Variants in GOLGA3 observed in about 807,000 individuals in gnomAD.
GOLGA3 encodes golgin subfamily A member 3.
A neutral mutation model predicts 169.4 loss-of-function variants in GOLGA3; 75 were observed. The observed-to-expected ratio is 0.44, with a 90% CI of 0.37 to 0.54. GOLGA3 has a LOEUF of 0.54. Among genes scored for constraint, GOLGA3 ranks in the 20% least tolerant of loss-of-function variants. The pLI is 0.00. For missense variants in GOLGA3, 1,899 were observed against 1,930.0 expected, an observed-to-expected ratio of 0.98 and a Z score of 0.30; for synonymous variants, 824 against 822.4, an observed-to-expected ratio of 1.00 and a Z score of -0.03.
At chr12:132,820,897 C>T (rs552255496) in intron 2 of GOLGA3, among the ~76,000 whole-genome samples, 5 of 151,862 alleles carry the variant, frequency 3.3e-5, no homozygotes, top group Non-Finnish European at 5.9e-5. Context: ...ATCAGGAGTT[C>T]GAGACCAGCC....
chr12:132,804,634 G>T lies in GOLGA3; in HGVS notation c.1597+82C>A. ...GGACCAGTCAGGGAAGGAGGAGGGC[G>T]TGGCGGGGGCCAGTCGAGGAAGGAG... is the stretch of plus-strand genomic sequence containing the variant. On this transcript the variant is annotated intron_variant, in intron 7 of 23. Coordinates refer to ENST00000450791, the MANE Select transcript of GOLGA3 (RefSeq NM_001389683.1). This position sits in a 1 kb window ranked among gnomAD's most constrained non-coding sequence, Gnocchi z 4.1. The T allele has an allele frequency of 8.6e-7, 1 of 1,158,522 alleles. No homozygotes were observed. The highest frequency in any genetic ancestry group is 1.3e-6 in the Non-Finnish European group (1 of 795,630). The allele number at this position is 1,158,522 out of a possible 1,614,324, so 71.8% of individuals were successfully genotyped here.
At chr12:132,779,556 T>C (rs568090117) in intron 18 of GOLGA3, among the ~76,000 whole-genome samples, 1 of 152,298 alleles carries the variant, frequency 6.6e-6, no homozygotes, top group South Asian at 2.1e-4. Context: ...GGCCGAAAAG[T>C]TTGAATTGTG....
At chr12:132,799,292 G>GGT (rs1316861988) in intron 8 of GOLGA3, among the ~76,000 whole-genome samples, 4 of 152,220 alleles carry the variant, frequency 2.6e-5, no homozygotes, top group Admixed American at 2.6e-4. Flanking sequence ...GATACATTTG[G>GGT]GTACCAAAAA....
chr12:132,787,269 G>A (rs1416407336), intron 13 of GOLGA3, among the ~76,000 whole-genome samples: 1 of 151,984 alleles, frequency 6.6e-6, no homozygotes, highest in Non-Finnish European at 1.5e-5. Context: ...ACTCATTACT[G>A]AGACCAACAA....
intron 1 of GOLGA3, among the ~76,000 whole-genome samples, chr12:132,825,369 A>C (rs1950369951): frequency 6.6e-6 from 1 of 152,150 alleles, no homozygotes; most frequent in African/African-American, 2.4e-5. Context: ...GTGTGTGCCC[A>C]TTACATGGCG....
chr12:132,802,885 G>T (rs1297502102), intron 7 of GOLGA3, among the ~76,000 whole-genome samples: 2 of 152,008 alleles, frequency 1.3e-5, no homozygotes, highest in Admixed American at 1.3e-4. Context: ...GAGAAACCCT[G>T]TCTCTAATAA....
In GOLGA3 at chr12:132,804,976, C is replaced by T. The variant is rs1420696410; in HGVS notation, c.1337G>A (p.Ser446Asn). ...CTCCACCTGCGCCTGCAGCTTCGTGCTGAGGGCGGCCAGCTGGGCCTGCAG... is the reference window on the plus strand; with the variant it reads ...CTCCACCTGCGCCTGCAGCTTCGTGTTGAGGGCGGCCAGCTGGGCCTGCAG... ...AELQAQLAALSTKLQAQVECS... is the reference protein window; with the variant it reads ...AELQAQLAALNTKLQAQVECS... Residue 446 changes from serine to asparagine, a missense_variant, in exon 7 of 24, where the codon AGC (serine) becomes AAC (asparagine). Coordinates refer to ENST00000450791, the MANE Select transcript of GOLGA3 (RefSeq NM_001389683.1). The surrounding 1 kb of genome is among the most constrained non-coding windows in gnomAD (Gnocchi z 4.1). 5 of 1,612,400 alleles carry T rather than the reference C, an allele frequency of 3.1e-6. No homozygotes were observed. Among genetic ancestry groups the T allele is most frequent in the Non-Finnish European group, 4.2e-6 (5 of 1,179,944 alleles).
In GOLGA3 at chr12:132,782,172, C is replaced by T. The variant is rs1217746184; in HGVS notation, c.3465+124G>A. On this transcript the variant is annotated intron_variant, in intron 17 of 23. Transcript: ENST00000450791. ...ACCCGGACTCCTGAGCCTGTTCTCTCGGCTGCAGGCCGGGTGGGCTAGGAG... is the reference window on the plus strand; with the variant it reads ...ACCCGGACTCCTGAGCCTGTTCTCTTGGCTGCAGGCCGGGTGGGCTAGGAG... The T allele has an allele frequency of 1.4e-4, 132 of 912,270 alleles. No individual in the cohort carries two copies. In the East Asian group the frequency reaches 2.2e-3, roughly 15 times the overall value. The allele number at this position is 912,270 out of a possible 1,614,324, so 56.5% of individuals were successfully genotyped here. A position where few individuals can be genotyped will look rare whatever the true frequency, so the allele number is the denominator to read the frequency against.
chr12:132,819,255 C>A (rs560940021), intron 2 of GOLGA3, among the ~76,000 whole-genome samples: 2 of 152,168 alleles, frequency 1.3e-5, no homozygotes, highest in South Asian at 2.1e-4. Flanking sequence ...CTTAGCCGGG[C>A]GCGGTGGCTC....
At chr12:132,786,872 C>CTG (rs2045931808) in intron 13 of GOLGA3, 85 bp from the exon 14 acceptor site, 4 of 932,914 alleles carry the variant, frequency 4.3e-6, no homozygotes, top group Non-Finnish European at 5.3e-6. Context: ...TCACCCCCAC[C>CTG]AAAGGCACTG....
intron 20 of GOLGA3, 24 bp from the exon 21 acceptor site, chr12:132,776,780 C>T: frequency 1.2e-6 from 2 of 1,611,986 alleles, no homozygotes; most frequent in Non-Finnish European, 1.7e-6. Flanking sequence ...AGTCACATGG[C>T]CAAAAGAATA....
At position 132,804,787 on chromosome 12, in the gene GOLGA3, T is replaced by C; in HGVS notation, c.1526A>G (p.Glu509Gly). The C allele has an allele frequency of 6.2e-7, 1 of 1,614,210 alleles. No homozygotes were observed. The highest frequency in any genetic ancestry group is 1.1e-5 in the South Asian group (1 of 91,084). The change falls in exon 7 of 24, where the codon GAG becomes GGG. Residue 509 changes from glutamate (E) to glycine (G), a missense_variant. Physicochemically the swap from Glu to Gly is moderately conservative, Grantham distance 98. Transcript: ENST00000450791. The surrounding 1 kb of genome is among the most constrained non-coding windows in gnomAD (Gnocchi z 4.1). ...GGCCATAAGCCTCTGGTACTGCTCC[T>C]CGGCCACCTGCAAGTCGTTGTTGGA... ...ASSNNDLQVA[E>G]EQYQRLMAKV...
Position 132,775,226 on chromosome 12 carries a change from A to C in GOLGA3, c.4058T>G (p.Val1353Gly), listed in dbSNP as rs1328567130. 1 of 1,613,732 alleles carries C rather than the reference A, an allele frequency of 6.2e-7. No homozygotes were observed. The highest frequency in any genetic ancestry group is 8.5e-7 in the Non-Finnish European group (1 of 1,179,714). Reference sequence around the variant, plus strand: ...CTTCATGTTGTTCTTCAGCTCCGACACTTTTGCCTGGAGCATAAATTTATC... The same window carrying C: ...CTTCATGTTGTTCTTCAGCTCCGACCCTTTTGCCTGGAGCATAAATTTATC... The part of the protein sequence containing the change: ...QKDKFMLQAK[V>G]SELKNNMKTL... The change falls in exon 22 of 24, where the codon GTG becomes GGG. Residue 1353 changes from valine (V) to glycine (G), a missense_variant. Val to Gly is a moderately radical substitution (Grantham distance 109). Coordinates refer to ENST00000450791, the MANE Select transcript of GOLGA3 (RefSeq NM_001389683.1).
Position 132,796,789 on chromosome 12 carries a change from C to A in GOLGA3, c.1939-89G>T, listed in dbSNP as rs2242292. On this transcript the variant is annotated intron_variant, in intron 9 of 23. Transcript: ENST00000450791. ...CCCCGTGCTCTGCAGAGAAACCCAC[C>A]GCCCTGGCATGGGCCCCATCCACCT... 3 of 1,259,148 alleles carry A rather than the reference C, an allele frequency of 2.4e-6. No individual in the cohort carries two copies. In the Admixed American group the frequency reaches 5.6e-5, roughly 24 times the overall value. The allele number at this position is 1,259,148 out of a possible 1,614,324, so 78.0% of individuals were successfully genotyped here. A position where few individuals can be genotyped will look rare whatever the true frequency, so the allele number is the denominator to read the frequency against.
Position 132,772,898 on chromosome 12 carries a change from G to A in GOLGA3, c.*207C>T. The A allele has an allele frequency of 2.0e-6, 1 of 503,660 alleles. No homozygotes were observed. The highest frequency in any genetic ancestry group is 3.5e-6 in the Non-Finnish European group (1 of 282,476). The allele number at this position is 503,660 out of a possible 1,614,324, so 31.2% of individuals were successfully genotyped here. ...CCGAGAGCCTATCAGGCTTTTAAGA[G>A]TTGGTCATTCCATGTGAAAAGCTAA... is the stretch of plus-strand genomic sequence containing the variant. On this transcript the variant is annotated 3_prime_UTR_variant, in exon 24 of 24. Transcript: ENST00000450791.
At chr12:132,780,110 GC>G in intron 18 of GOLGA3, among the ~76,000 whole-genome samples, 1 of 39,632 alleles carries the variant, frequency 2.5e-5, no homozygotes, top group Admixed American at 2.2e-4. Flanking sequence ...TGCACGCACA[GC>G]CCCCCGCGTG....
rs1566081523 is a variant in GOLGA3 at position 132,784,312 on chromosome 12, G to A, written c.3124-5C>T. The stretch of plus-strand genomic sequence containing the variant: ...CTCCAGGGCCTGGATCCTTTCCTAA[G>A]GGCCAAGATGGAACGGGCGCTTGGT... On this transcript the variant is annotated splice_region_variant and splice_polypyrimidine_tract_variant and intron_variant, in intron 15 of 23. Coordinates refer to ENST00000450791, the MANE Select transcript of GOLGA3 (RefSeq NM_001389683.1). 1 of 1,602,798 alleles carries A rather than the reference G, an allele frequency of 6.2e-7. No homozygotes were observed. The highest frequency in any genetic ancestry group is 8.5e-7 in the Non-Finnish European group (1 of 1,177,442).
At chr12:132,794,140 G>A (rs1948699637) in intron 11 of GOLGA3, among the ~76,000 whole-genome samples, 1 of 152,068 alleles carries the variant, frequency 6.6e-6, no homozygotes, top group Admixed American at 6.6e-5. Flanking sequence ...CAACAGACTT[G>A]GAACTCAGCA....
At chr12:132,774,614 T>C in intron 22 of GOLGA3, 1 of 481,036 alleles carries the variant, frequency 2.1e-6, no homozygotes. Context: ...TCCCAGACGC[T>C]TCTCCCATCA....
Sources: allele counts gnomAD v4.1 joint callset (sites outside exome capture counted in the v4.1 genomes callset), GRCh38; gene constraint gnomAD v4.1.1; non-coding constraint Gnocchi (gnomAD v3.1); transcripts MANE v1.5; gene names NCBI Gene and HGNC (gene_info 2026-07-23, HGNC 2026-07-21).